ZNF518A: variants seen among roughly 807,000 people sequenced by gnomAD.
ZNF518A encodes the protein zinc finger protein 518A.
ZNF518A carries 47 observed loss-of-function variants against 102.7 expected under a neutral mutation model. That is an observed-to-expected ratio of 0.46 (90% CI 0.36 to 0.58). The LOEUF (loss-of-function observed/expected upper bound fraction) is 0.58. Ranked by LOEUF, ZNF518A falls within the 20% of genes least tolerant of loss-of-function variation. ZNF518A has a pLI of 0.00. For synonymous variants in ZNF518A, 652 were observed against 594.6 expected, an observed-to-expected ratio of 1.10 and a Z score of -1.40; for missense variants, 1,793 against 1,699.8, an observed-to-expected ratio of 1.05 and a Z score of -0.96.
At chr10:96,184,316 T>A (rs2083258205) in intron 1 of ZNF518A, among the ~76,000 whole-genome samples, 1 of 152,230 alleles carries the variant, frequency 6.6e-6, no homozygotes, top group African/African-American at 2.4e-5. Context: ...AGGTTAATAT[T>A]GTTACATGTG....
intron 1 of ZNF518A, chr10:96,199,666 T>A (rs587715831): frequency 2.1e-5 from 8 of 385,900 alleles, no homozygotes; most frequent in African/African-American, 1.3e-4. Context: ...TTAATTAGCA[T>A]ATCATAAGGA....
intron 1 of ZNF518A, among the ~76,000 whole-genome samples, chr10:96,178,474 A>G (rs967529013): frequency 6.6e-6 from 1 of 152,058 alleles, no homozygotes; most frequent in Non-Finnish European, 1.5e-5. Context: ...GGACATTTTA[A>G]ACTTCAGATA....
chr10:96,134,540 C>T (rs1447008225), intron 3 of ZNF518A, among the ~76,000 whole-genome samples: 1 of 152,152 alleles, frequency 6.6e-6, no homozygotes, highest in Admixed American at 6.5e-5. Context: ...GGCCTACTTC[C>T]AAGCATTTTG....
At chr10:96,142,326 G>A (rs1258911249) in intron 3 of ZNF518A, among the ~76,000 whole-genome samples, 2 of 150,728 alleles carry the variant, frequency 1.3e-5, no homozygotes, top group African/African-American at 4.9e-5. Context: ...GTGTGTGTGT[G>A]TGTGTGTGTG....
At position 96,185,738 on chromosome 10, in the gene ZNF518A, G is replaced by A. The variant is rs188269074; in HGVS notation, n.36-17836G>A. On this transcript the variant is annotated intron_variant and non_coding_transcript_variant, in intron 1 of 2. Transcript: ENST00000442635. ...GGTGTCAGTCGGCCCCTACTGGGAG[G>A]TGTCTCCCAGTTAGGCTACACAGGG... Among the ~76,000 whole-genome samples the A allele has an allele frequency of 7.9e-3, 1,209 of 152,318 alleles. 4 individuals carry two copies. The highest frequency in any genetic ancestry group is 0.017 in the Middle Eastern group (5 of 294).
At position 96,162,265 on chromosome 10, in the gene ZNF518A, GTTTAA is replaced by G. The variant is rs1483701051; in HGVS notation, c.*1497_*1501del. On this transcript the variant is annotated 3_prime_UTR_variant, in exon 6 of 6. Transcript: ENST00000316045. Reference sequence around the variant, plus strand: ...AGTGCATGCACTAATAAAACTGGTTGTTTAATTTAAAAGGAATATATAAGACTTTA... The same window carrying G: ...AGTGCATGCACTAATAAAACTGGTTGTTTAAAAGGAATATATAAGACTTTA... The G allele has an allele frequency of 6.0e-6, 1 of 166,742 alleles. No homozygotes were observed. Among genetic ancestry groups the G allele is most frequent in the Non-Finnish European group, 1.5e-5 (1 of 68,012 alleles). The allele number at this position is 166,742 out of a possible 1,614,324, so 10.3% of individuals were successfully genotyped here. A position where few individuals can be genotyped will look rare whatever the true frequency, so the allele number is the denominator to read the frequency against.
intron 1 of ZNF518A, among the ~76,000 whole-genome samples, chr10:96,171,108 A>G (rs1554890861): frequency 6.6e-6 from 1 of 152,062 alleles, no homozygotes; most frequent in East Asian, 1.9e-4. Flanking sequence ...TGGTACAGCC[A>G]TCTTGGAAAA....
At chr10:96,203,226 C>G (rs1187465698) in intron 1 of ZNF518A, among the ~76,000 whole-genome samples, 2 of 151,982 alleles carry the variant, frequency 1.3e-5, no homozygotes, top group Non-Finnish European at 1.5e-5. Context: ...GTATAATAAA[C>G]CTTTTTAAAT....
chr10:96,148,474 TCA>T, intron 3 of ZNF518A, among the ~76,000 whole-genome samples: 1 of 152,192 alleles, frequency 6.6e-6, no homozygotes, highest in East Asian at 1.9e-4. Context: ...GTACATAGTC[TCA>T]GTTTCTAACA....
At position 96,163,529 on chromosome 10, in the gene ZNF518A, T is replaced by C. The variant is rs1218563175; in HGVS notation, c.*2755T>C. The C allele has an allele frequency of 6.0e-6, 1 of 167,074 alleles. No individual in the cohort carries two copies. The highest frequency in any genetic ancestry group is 6.5e-5 in the Admixed American group (1 of 15,282). 10.3% of individuals were successfully genotyped at this position (167,074 alleles called of 1,614,324 possible). ...AAAACATAATTCAGTTTTCAAAGAA[T>C]TTATCTTGCTAAGTATTCAGTAACA... On this transcript the variant is annotated 3_prime_UTR_variant, in exon 6 of 6. Coordinates refer to ENST00000316045, the MANE Select transcript of ZNF518A (RefSeq NM_001330736.2).
At chr10:96,168,512 C>CT (rs200586204), downstream of ZNF518A, among the ~76,000 whole-genome samples, 40 of 149,418 alleles carry the variant, frequency 2.7e-4, no homozygotes, top group East Asian at 5.9e-4. Flanking sequence ...CTCCCTTTAG[C>CT]TTTTTTTTTC....
In ZNF518A at chr10:96,137,347, TGAAAC is replaced by T. The variant is rs1365980645; in HGVS notation, c.-302+3700_-302+3704del. On this transcript the variant is annotated intron_variant, in intron 3 of 5. Transcript: ENST00000316045. ...CACCTTTAAAAAACAAAAAATAAAT[TGAAAC>T]AAAACAAAACAACTCCTTTATCTTA... 5.9e-5 allele frequency among the ~76,000 whole-genome samples: 9 copies of T among 152,324 alleles called. No homozygotes were observed. In the South Asian group the frequency reaches 1.9e-3, roughly 32 times the overall value.
intron 3 of ZNF518A, among the ~76,000 whole-genome samples, chr10:96,140,012 C>T (rs1554875881): frequency 5.3e-5 from 8 of 152,092 alleles, no homozygotes. Flanking sequence ...GCATGCACCA[C>T]CATATCTGGC....
chr10:96,191,235 C>CTTTTTTT (rs34920263), intron 1 of ZNF518A, among the ~76,000 whole-genome samples: 9 of 130,244 alleles, frequency 6.9e-5, no homozygotes, highest in African/African-American at 1.7e-4. Flanking sequence ...CATTAAACCT[C>CTTTTTTT]TTTTTTTTTT....
chr10:96,204,259 A>C, downstream of ZNF518A: 2 of 789,194 alleles, frequency 2.5e-6, no homozygotes, highest in Non-Finnish European at 4.2e-6. Context: ...AAGATAAGTA[A>C]GACTCTTCCT....
chr10:96,202,699 G>C (rs1211915449), intron 1 of ZNF518A, among the ~76,000 whole-genome samples: 1 of 152,194 alleles, frequency 6.6e-6, no homozygotes, highest in Non-Finnish European at 1.5e-5. Flanking sequence ...GCACTCCCAG[G>C]TGAGAGCAGC....
chr10:96,189,665 A>G (rs782745618), intron 1 of ZNF518A: 5 of 718,780 alleles, frequency 7.0e-6, no homozygotes, highest in Non-Finnish European at 1.0e-5. Flanking sequence ...GATTTCTTCA[A>G]TGGTGCTTTT....
In ZNF518A at chr10:96,150,546, GA is replaced by G. The variant is rs71486787; in HGVS notation, c.-301-4768del. 5.9e-3 allele frequency among the ~76,000 whole-genome samples: 844 copies of G among 142,874 alleles called. 4 individuals carry two copies. The highest frequency in any genetic ancestry group is 0.02 in the African/African-American group (757 of 38,584). The allele number at this position is 142,874 out of a possible 152,430, so 93.7% of individuals were successfully genotyped here. ...GATTTTAAAAATTCAGATCTTTTTG[GA>G]AAAAAAAAAAACTTAGGTACAATTT... On this transcript the variant is annotated intron_variant, in intron 3 of 5. Coordinates refer to ENST00000316045, the MANE Select transcript of ZNF518A (RefSeq NM_001330736.2).
Position 96,159,136 on chromosome 10 carries a change from C to T in ZNF518A, c.2814C>T (p.Phe938=). The T allele has an allele frequency of 1.2e-6, 2 of 1,612,818 alleles. No homozygotes were observed. Among genetic ancestry groups the T allele is most frequent in the Non-Finnish European group, 1.7e-6 (2 of 1,179,560 alleles). ...TAATTGTTCAGACTTCAAAAGGATTCTTAATACCATTGAACATTACTAACA... is the reference window on the plus strand; with the variant it reads ...TAATTGTTCAGACTTCAAAAGGATTTTTAATACCATTGAACATTACTAACA... ...KTIIVQTSKG[F]LIPLNITNKP... Residue 938 remains phenylalanine (F), a synonymous_variant, in exon 6 of 6, where the codon TTC becomes TTT. Coordinates refer to ENST00000316045, the MANE Select transcript of ZNF518A (RefSeq NM_001330736.2).
Sources: gnomAD v4.1 joint callset for allele counts (sites outside exome capture counted in the v4.1 genomes callset) on GRCh38, gnomAD v4.1.1 for gene constraint, MANE v1.5 for transcripts, NCBI Gene and HGNC (gene_info 2026-07-23, HGNC 2026-07-21) for gene names.